The following ATP2B2 variants were observed in gnomAD, a reference collection of about 807,000 sequenced individuals.
ATP2B2 encodes ATPase plasma membrane Ca2+ transporting 2.
Under a neutral mutation model 120.0 loss-of-function variants are expected in ATP2B2, and 15 were observed. The observed-to-expected ratio is 0.12, with a 90% CI of 0.08 to 0.19. The LOEUF (loss-of-function observed/expected upper bound fraction) is 0.19, where lower values mean the gene tolerates loss of function less well. Ranked by LOEUF, ATP2B2 falls within the 10% of genes least tolerant of loss-of-function variation. The probability of loss-of-function intolerance (pLI) is 1.00; values close to 1 mark genes in which losing one functional copy is unlikely to be tolerated. For missense variants in ATP2B2, 1,045 were observed against 1,719.8 expected, an observed-to-expected ratio of 0.61 and a Z score of 6.94; for synonymous variants, 694 against 700.3, an observed-to-expected ratio of 0.99 and a Z score of 0.14.
rs375591506 is a variant in ATP2B2, at chr3:10,417,023, T to A, written c.200-6208A>T. Among the ~76,000 whole-genome samples the A allele has an allele frequency of 2.9e-4, 34 of 116,558 alleles. 2 individuals carry two copies. In the East Asian group the frequency reaches 3.8e-3, roughly 13 times the overall value. The allele number at this position is 116,558 out of a possible 152,430, so 76.5% of individuals were successfully genotyped here. On this transcript the variant is annotated intron_variant, in intron 2 of 22. Coordinates refer to ENST00000360273, the MANE Select transcript of ATP2B2 (RefSeq NM_001001331.4). ...GCAGAGGGGCTCCTCACTTCCCAGA[T>A]AGGGCGGCAGCCAGGCAGAGGTGCT...
At chr3:10,517,825 T>A (rs1201768676) in intron 3 of ATP2B2, among the ~76,000 whole-genome samples, 1 of 152,246 alleles carries the variant, frequency 6.6e-6, no homozygotes, top group Admixed American at 6.5e-5. Context: ...CTCTAGGCAC[T>A]GTGCCGGGCA....
intron 1 of ATP2B2, among the ~76,000 whole-genome samples, chr3:10,489,889 C>T (rs986081978): frequency 2.6e-5 from 4 of 152,260 alleles, no homozygotes; most frequent in Admixed American, 6.5e-5. Flanking sequence ...AGCCTGCAGC[C>T]CTGGGCTTAG....
At chr3:10,451,832 A>AATGAATGG (rs1318326605) in intron 1 of ATP2B2, among the ~76,000 whole-genome samples, 1 of 152,206 alleles carries the variant, frequency 6.6e-6, no homozygotes, top group East Asian at 1.9e-4. Context: ...TTCCTCGGAG[A>AATGAATGG]AGCAGGTGAG....
intron 8 of ATP2B2, among the ~76,000 whole-genome samples, chr3:10,381,804 G>C (rs1188084550): frequency 6.6e-6 from 1 of 152,172 alleles, no homozygotes; most frequent in Non-Finnish European, 1.5e-5. Context: ...TTTTCCAAAT[G>C]GGTCTATTCT....
chr3:10,603,806 A>G (rs997469845), intron 2 of ATP2B2, among the ~76,000 whole-genome samples: 1 of 152,144 alleles, frequency 6.6e-6, no homozygotes, highest in African/African-American at 2.4e-5. Flanking sequence ...TCCAGGAAAA[A>G]AAAACAAATC....
intron 3 of ATP2B2, among the ~76,000 whole-genome samples, chr3:10,410,379 C>T (rs908096225): frequency 1.3e-5 from 2 of 152,236 alleles, no homozygotes; most frequent in African/African-American, 4.8e-5. Flanking sequence ...CTCAAAAATG[C>T]TCACTAAAGT....
chr3:10,689,771 G>A (rs1359611711), intron 1 of ATP2B2, among the ~76,000 whole-genome samples: 1 of 152,196 alleles, frequency 6.6e-6, no homozygotes, highest in Non-Finnish European at 1.5e-5. Flanking sequence ...CACGTGGAGG[G>A]AGGCTGGTGG....
chr3:10,376,184 G>C lies in ATP2B2; in HGVS notation c.1202-540C>G, dbSNP rs187746988. ...CTGCCCTTGAGGAGCAGACATTCTA[G>C]AGGAGGAGGAAGACAAGAAACAAAA... On this transcript the variant is annotated intron_variant, in intron 10 of 22. Coordinates refer to ENST00000360273, the MANE Select transcript of ATP2B2 (RefSeq NM_001001331.4). Among the ~76,000 whole-genome samples, 7 of 152,308 alleles carry C rather than the reference G, an allele frequency of 4.6e-5. No individual in the cohort carries two copies. In the East Asian group the frequency reaches 9.6e-4, roughly 21 times the overall value.
intron 1 of ATP2B2, among the ~76,000 whole-genome samples, chr3:10,637,083 A>T (rs566903136): frequency 1.3e-4 from 20 of 152,344 alleles, no homozygotes; most frequent in Non-Finnish European, 1.8e-4. Flanking sequence ...TTGCCTCAGC[A>T]GTGGGGAACA....
intron 2 of ATP2B2, among the ~76,000 whole-genome samples, chr3:10,422,842 A>G (rs147398458): frequency 1.3e-5 from 2 of 152,328 alleles, no homozygotes; most frequent in African/African-American, 4.8e-5. Flanking sequence ...ACAAGTTTCC[A>G]CTGATTTAAA....
chr3:10,644,920 G>A (rs1208032950), intron 1 of ATP2B2, among the ~76,000 whole-genome samples: 2 of 152,178 alleles, frequency 1.3e-5, no homozygotes, highest in Non-Finnish European at 1.5e-5. Flanking sequence ...CAACAAAAAA[G>A]TATCATATCA....
At chr3:10,558,601 C>G (rs2067831285) in intron 2 of ATP2B2, among the ~76,000 whole-genome samples, 1 of 152,094 alleles carries the variant, frequency 6.6e-6, no homozygotes, top group African/African-American at 2.4e-5. Flanking sequence ...GTGCCTGAAG[C>G]CTGACCTCCT....
At chr3:10,388,228 A>T (rs776733268) in intron 6 of ATP2B2, 49 bp downstream of exon 6, 10 of 1,612,966 alleles carry the variant, frequency 6.2e-6, no homozygotes, top group Non-Finnish European at 8.5e-6. Context: ...CAAAAAAAAA[A>T]TGTGGCCTTA....
chr3:10,385,157 T>C (rs1162287131), intron 8 of ATP2B2, 111 bp downstream of exon 8: 15 of 1,112,092 alleles, frequency 1.3e-5, no homozygotes, highest in Non-Finnish European at 2.0e-5. Context: ...CAGCGGCCCA[T>C]GCACATCCGA....
chr3:10,600,574 C>T lies in ATP2B2; in HGVS notation c.-415+19343G>A, dbSNP rs114783647. Among the ~76,000 whole-genome samples the T allele has an allele frequency of 6.2e-3, 939 of 152,368 alleles. 10 individuals carry two copies. The highest frequency in any genetic ancestry group is 0.021 in the African/African-American group (874 of 41,582). ...TCACGGCGAGAACTGGCTCTGCTTA[C>T]AGGCATTGGCCGTGGATTTACTCAC... is the stretch of plus-strand genomic sequence containing the variant. On this transcript the variant is annotated intron_variant, in intron 2 of 21. Transcript: ENST00000646379.
In ATP2B2 at chr3:10,358,797, C is replaced by T. The variant is rs1461301540; in HGVS notation, c.2030G>A (p.Arg677His). The change falls in exon 14 of 23, where the codon CGC becomes CAC. Residue 677 changes from arginine (R) to histidine (H), a missense_variant. Coordinates refer to ENST00000360273, the MANE Select transcript of ATP2B2 (RefSeq NM_001001331.4). ...CGGCTCCGGGCTGCTGGGGAAGTCG[C>T]GGTAGGCCACGCAGATAGTGCGGAG... is the stretch of plus-strand genomic sequence containing the variant. ...DGLRTICVAY[R>H]DFPSSPEPDW... 6.2e-7 allele frequency: 1 copy of T among 1,614,118 alleles called. No individual in the cohort carries two copies. The highest frequency in any genetic ancestry group is 1.7e-5 in the Admixed American group (1 of 60,008).
At chr3:10,452,249 G>T (rs1483782174) in intron 1 of ATP2B2, among the ~76,000 whole-genome samples, 2 of 152,262 alleles carry the variant, frequency 1.3e-5, no homozygotes. Context: ...CCTGGCAGGG[G>T]CCTGGTCTAG....
chr3:10,562,372 G>A (rs919962761), intron 2 of ATP2B2, among the ~76,000 whole-genome samples: 4 of 152,280 alleles, frequency 2.6e-5, no homozygotes, highest in African/African-American at 9.6e-5. Context: ...GTGGGTGGGG[G>A]AGTTACTATT....
rs567177200 is a variant in ATP2B2 at position 10,347,865 on chromosome 3, G to C, written c.2405-1728C>G. ...AGTCACCAGGGGCCTCCCTGTGGCT[G>C]CTTCCTATGGTCACATTTCTGTTCT... is the stretch of plus-strand genomic sequence containing the variant. On this transcript the variant is annotated intron_variant, in intron 16 of 22. Coordinates refer to ENST00000360273, the MANE Select transcript of ATP2B2 (RefSeq NM_001001331.4). This position sits in a 1 kb window ranked among gnomAD's most constrained non-coding sequence, Gnocchi z 5.2. 1.2e-3 allele frequency among the ~76,000 whole-genome samples: 190 copies of C among 152,300 alleles called. 1 individual carries two copies. The highest frequency in any genetic ancestry group is 4.4e-3 in the African/African-American group (182 of 41,560).
Sources: allele counts gnomAD v4.1 joint callset (sites outside exome capture counted in the v4.1 genomes callset), GRCh38; gene constraint gnomAD v4.1.1; non-coding constraint Gnocchi (gnomAD v3.1); transcripts MANE v1.5; gene names NCBI Gene and HGNC (gene_info 2026-07-23, HGNC 2026-07-21).